The following SPINK4 variants were observed in gnomAD, a reference collection of about 807,000 sequenced individuals.
SPINK4 encodes serine peptidase inhibitor Kazal type 4.
Under a neutral mutation model 12.3 loss-of-function variants are expected in SPINK4, and 10 were observed. The observed-to-expected ratio is 0.81, with a 90% CI of 0.50 to 1.37. The LOEUF is 1.37. Ranked by LOEUF, SPINK4 falls within the 40% of genes most tolerant of loss-of-function variation. The pLI, the probability that SPINK4 is intolerant of heterozygous loss-of-function variation, is 0.00. For synonymous variants in SPINK4, 37 were observed against 40.2 expected (o/e 0.92, Z 0.30); for missense variants, 91 against 109.0 (o/e 0.84, Z 0.73).
chr9:33,245,165 C>T lies in SPINK4; in HGVS notation c.102+13C>T, dbSNP rs76533543. 2,899 of 1,612,582 alleles carry T rather than the reference C, an allele frequency of 1.8e-3. 20 individuals carry two copies. The African/African-American group carries it at 0.018, about 10-fold the overall frequency. On this transcript the variant is annotated intron_variant, in intron 2 of 3. Transcript: ENST00000379721. ...TTTCTCAAGAATGGTAAGGCAGCTG[C>T]GTGTTGTTCTCACCTTCTCTCTGCT... is the stretch of plus-strand genomic sequence containing the variant.
intron 3 of SPINK4, 134 bp downstream of exon 3, chr9:33,246,862 T>TA (rs1820291569): frequency 1.5e-6 from 1 of 686,156 alleles, no homozygotes; most frequent in Non-Finnish European, 2.5e-6. Flanking sequence ...CATATGCCCC[T>TA]AATAGAATGA....
chr9:33,245,031 C>A, intron 1 of SPINK4, 81 bp from the exon 2 acceptor site: 2 of 1,441,402 alleles, frequency 1.4e-6, no homozygotes, highest in South Asian at 1.3e-5. Flanking sequence ...ACCAAGCTCC[C>A]TGAAGCAGAA....
intron 3 of SPINK4, among the ~76,000 whole-genome samples, chr9:33,247,289 C>A (rs1200821101): frequency 1.3e-5 from 2 of 150,672 alleles, no homozygotes; most frequent in African/African-American, 4.9e-5. Flanking sequence ...TCCCGAATAG[C>A]TGGGATTACA....
In SPINK4 at chr9:33,246,699, G is replaced by C. The variant is rs143317019; in HGVS notation, c.186G>C (p.Thr62=). The C allele has an allele frequency of 5.6e-6, 9 of 1,613,774 alleles. No homozygotes were observed. In the African/African-American group the frequency reaches 1.2e-4, roughly 22 times the overall value. The change falls in exon 3 of 4, where the codon ACG becomes ACC. Residue 62 remains threonine, a synonymous_variant. Coordinates refer to ENST00000379721, the MANE Select transcript of SPINK4 (RefSeq NM_014471.3). ...LVCGTDGLTY[T]NECQLCLARI... Reference sequence around the variant, plus strand: ...GCGGCACTGATGGGCTCACATATACGAATGAATGCCAGCTCTGCTTGGCCC... The same window carrying C: ...GCGGCACTGATGGGCTCACATATACCAATGAATGCCAGCTCTGCTTGGCCC...
intron 2 of SPINK4, among the ~76,000 whole-genome samples, chr9:33,245,504 A>G (rs1820276649): frequency 6.6e-6 from 1 of 152,174 alleles, no homozygotes; most frequent in South Asian, 2.1e-4. Context: ...CAGGCCAAAG[A>G]GGGGACCCTG....
intron 1 of SPINK4, among the ~76,000 whole-genome samples, chr9:33,244,541 C>T (rs750422241): frequency 2.6e-5 from 4 of 152,126 alleles, no homozygotes; most frequent in Non-Finnish European, 5.9e-5. Context: ...CACATCAACC[C>T]GACATGGGAT....
At chr9:33,248,024 C>T in intron 3 of SPINK4, 1 of 184,990 alleles carries the variant, frequency 5.4e-6, no homozygotes, top group Non-Finnish European at 1.1e-5. Flanking sequence ...GCTTGGGTGG[C>T]CAGTGGTTTC....
chr9:33,248,290 G>T, intron 3 of SPINK4, 136 bp from the exon 4 acceptor site: 1 of 781,150 alleles, frequency 1.3e-6, no homozygotes, highest in South Asian at 1.8e-5. Context: ...ATGGACCCTT[G>T]GGATCTGCCC....
At chr9:33,243,293 G>A (rs541826253) in intron 1 of SPINK4, among the ~76,000 whole-genome samples, 49 of 152,050 alleles carry the variant, frequency 3.2e-4, no homozygotes, top group African/African-American at 1.1e-3. Context: ...GGCTGGTCTC[G>A]AACTCCTGAC....
In SPINK4 at chr9:33,240,251, C is replaced by A; in HGVS notation, c.43C>A (p.Leu15Ile). 1 of 1,605,382 alleles carries A rather than the reference C, an allele frequency of 6.2e-7. No individual in the cohort carries two copies. ...GGTAATCGCCCTGGCCTTGGCTGCC[C>A]TCCTTGTTGTGGACAGGGGTGAGTG... Reference protein sequence around the residue: ...QWVIALALAALLVVDREVPVA... With the variant: ...QWVIALALAAILVVDREVPVA... The change falls in exon 1 of 4, where the codon CTC becomes ATC. Residue 15 changes from leucine to isoleucine, a missense_variant. Physicochemically the swap from Leu to Ile is conservative, Grantham distance 5. Transcript: ENST00000379721.
chr9:33,243,488 C>T (rs747629700), intron 1 of SPINK4, among the ~76,000 whole-genome samples: 2 of 152,160 alleles, frequency 1.3e-5, no homozygotes, highest in Non-Finnish European at 2.9e-5. Flanking sequence ...TTTTTTCCAT[C>T]ATAGATTAGT....
At chr9:33,245,740 C>A (rs1306288004) in intron 2 of SPINK4, among the ~76,000 whole-genome samples, 4 of 152,210 alleles carry the variant, frequency 2.6e-5, no homozygotes, top group African/African-American at 9.6e-5. Flanking sequence ...ACAGCCTCAG[C>A]ATCGTCCCCG....
chr9:33,240,584 A>G (rs553316998), intron 1 of SPINK4, among the ~76,000 whole-genome samples: 1 of 152,356 alleles, frequency 6.6e-6, no homozygotes, highest in African/African-American at 2.4e-5. Context: ...CTGTGGGGAC[A>G]GAAGGGAGCA....
chr9:33,245,307 C>T (rs558162132), intron 2 of SPINK4, among the ~76,000 whole-genome samples, 155 bp downstream of exon 2: 6 of 152,344 alleles, frequency 3.9e-5, no homozygotes, highest in Admixed American at 3.9e-4. Flanking sequence ...ACATTCCCCA[C>T]ATTAGCCCCC....
chr9:33,246,453 C>A (rs1820286101), intron 2 of SPINK4, among the ~76,000 whole-genome samples, 163 bp from the exon 3 acceptor site: 1 of 152,162 alleles, frequency 6.6e-6, no homozygotes, highest in Non-Finnish European at 1.5e-5. Context: ...AGCAAACACA[C>A]CAAGGGGCTC....
intron 3 of SPINK4, chr9:33,247,841 G>A (rs1306411742): frequency 6.5e-6 from 1 of 153,556 alleles, no homozygotes; most frequent in African/African-American, 2.4e-5. Context: ...GTGAAAGTTT[G>A]TATTTGAGGA....
chr9:33,247,921 G>A (rs1310220432), intron 3 of SPINK4: 1 of 157,178 alleles, frequency 6.4e-6, no homozygotes, highest in African/African-American at 2.4e-5. Context: ...TCATGGTTAG[G>A]AGGTACATTG....
At chr9:33,243,828 G>A (rs947908250) in intron 1 of SPINK4, among the ~76,000 whole-genome samples, 8 of 152,112 alleles carry the variant, frequency 5.3e-5, no homozygotes, top group Non-Finnish European at 1.2e-4. Flanking sequence ...CCCTCTCTCT[G>A]TGGAAATACC....
At chr9:33,243,031 A>G (rs946784544) in intron 1 of SPINK4, among the ~76,000 whole-genome samples, 2 of 152,028 alleles carry the variant, frequency 1.3e-5, no homozygotes, top group African/African-American at 4.8e-5. Context: ...GCGTGCCACC[A>G]CACTCAGCTA....
Sources: gnomAD v4.1 joint callset for allele counts (sites outside exome capture counted in the v4.1 genomes callset) on GRCh38, gnomAD v4.1.1 for gene constraint, MANE v1.5 for transcripts, NCBI Gene and HGNC (gene_info 2026-07-23, HGNC 2026-07-21) for gene names.